The following BAIAP2L1 variants were observed in gnomAD, a reference collection of about 807,000 sequenced individuals.
BAIAP2L1 encodes BAR/IMD domain containing adaptor protein 2 like 1, also known as BAR/IMD domain-containing adapter protein 2-like 1.
Under a neutral mutation model 66.3 loss-of-function variants are expected in BAIAP2L1, and 35 were observed. That is an observed-to-expected ratio of 0.53 (90% confidence interval 0.40 to 0.70). The LOEUF (loss-of-function observed/expected upper bound fraction) is 0.70, where lower values mean the gene tolerates loss of function less well. BAIAP2L1 is among the 30% of genes least tolerant of loss of function. The pLI is 0.00. For missense variants in BAIAP2L1, 622 were observed against 656.9 expected, an observed-to-expected ratio of 0.95 and a Z score of 0.58; for synonymous variants, 269 against 248.7, an observed-to-expected ratio of 1.08 and a Z score of -0.77.
chr7:98,324,025 A>T (rs998553160), intron 3 of BAIAP2L1, among the ~76,000 whole-genome samples: 4 of 152,130 alleles, frequency 2.6e-5, no homozygotes, highest in Non-Finnish European at 2.9e-5. Context: ...AAAGGGGGAA[A>T]AAAAAAACCC....
chr7:98,370,543 C>A (rs1296714740), intron 1 of BAIAP2L1, among the ~76,000 whole-genome samples: 2 of 151,862 alleles, frequency 1.3e-5, no homozygotes, highest in Non-Finnish European at 2.9e-5. Context: ...CTCGCACTGT[C>A]GCCCAGGGAG....
intron 12 of BAIAP2L1, among the ~76,000 whole-genome samples, chr7:98,296,416 G>A (rs1323848182): frequency 6.6e-6 from 1 of 152,064 alleles, no homozygotes; most frequent in Admixed American, 6.5e-5. Flanking sequence ...ACCTGAGGTC[G>A]GGAGTTCGAG....
intron 3 of BAIAP2L1, among the ~76,000 whole-genome samples, chr7:98,339,962 G>C (rs562276716): frequency 6.6e-6 from 1 of 152,146 alleles, no homozygotes; most frequent in Non-Finnish European, 1.5e-5. Flanking sequence ...GCAGCTCCTT[G>C]GCCAGCGGTC....
chr7:98,393,368 T>C (rs1030428358), intron 1 of BAIAP2L1, among the ~76,000 whole-genome samples: 1 of 151,762 alleles, frequency 6.6e-6, no homozygotes, highest in African/African-American at 2.4e-5. Flanking sequence ...ACATAAGGGA[T>C]GTTGAAAGCA....
Position 98,307,898 on chromosome 7 carries a change from T to C in BAIAP2L1, c.956-2A>G, listed in dbSNP as rs1800720763. On this transcript the variant is annotated splice_acceptor_variant, in intron 9 of 13. Transcript: ENST00000005260. LOFTEE classifies it high-confidence loss of function. ...GTAAACTGGGATCTTCGGAAGTACC[T>C]GTTGGAGGGAGTGTAGCAGTAATGG... is the stretch of plus-strand genomic sequence containing the variant. 1.2e-6 allele frequency: 2 copies of C among 1,614,132 alleles called. No homozygotes were observed. Among genetic ancestry groups the C allele is most frequent in the Non-Finnish European group, 1.7e-6 (2 of 1,179,940 alleles).
intron 3 of BAIAP2L1, among the ~76,000 whole-genome samples, chr7:98,343,248 TACACACACACACACACACACAC>T (rs57033582): frequency 1.6e-5 from 2 of 128,592 alleles, no homozygotes; most frequent in African/African-American, 6.1e-5. Context: ...AAAAAAAAAA[TACACACACACACACACACACAC>T]ACACACACAC....
At chr7:98,348,466 A>G (rs372273542) in intron 3 of BAIAP2L1, among the ~76,000 whole-genome samples, 3 of 150,868 alleles carry the variant, frequency 2.0e-5, no homozygotes, top group East Asian at 2.0e-4. Context: ...ACTCAGGAGG[A>G]TGCATCACGA....
At chr7:98,346,000 A>T (rs1022049661) in intron 3 of BAIAP2L1, among the ~76,000 whole-genome samples, 1 of 152,184 alleles carries the variant, frequency 6.6e-6, no homozygotes, top group Non-Finnish European at 1.5e-5. Context: ...ATGGGAAGCA[A>T]CTGCTAATGG....
intron 1 of BAIAP2L1, 148 bp from the exon 2 acceptor site, chr7:98,362,580 C>G (rs1250594447): frequency 3.6e-5 from 24 of 663,216 alleles, no homozygotes; most frequent in Non-Finnish European, 5.9e-5. Flanking sequence ...AATAATGAAG[C>G]ACACCTATTC....
intron 3 of BAIAP2L1, among the ~76,000 whole-genome samples, chr7:98,338,904 T>A (rs6957327): frequency 0.02 from 2,976 of 151,898 alleles, 105 homozygotes; most frequent in African/African-American, 0.068. Flanking sequence ...AGAAACACCG[T>A]CTCTACTAAA....
intron 1 of BAIAP2L1, among the ~76,000 whole-genome samples, chr7:98,394,109 G>A (rs1278870022): frequency 1.3e-5 from 2 of 152,070 alleles, no homozygotes; most frequent in Non-Finnish European, 2.9e-5. Flanking sequence ...CGGGCGTGGT[G>A]GCAGGCGCCT....
At chr7:98,355,273 C>T (rs1802093177) in intron 2 of BAIAP2L1, 145 bp from the exon 3 acceptor site, 1 of 658,556 alleles carries the variant, frequency 1.5e-6, no homozygotes, top group Non-Finnish European at 2.8e-6. Flanking sequence ...GAGGTAAGAC[C>T]TGTGTTGAGA....
chr7:98,385,717 A>T (rs1802871132), intron 1 of BAIAP2L1: 1 of 1,217,268 alleles, frequency 8.2e-7, no homozygotes, highest in East Asian at 2.4e-5. Flanking sequence ...CCCAGCCAGG[A>T]ATCAACATTT....
intron 3 of BAIAP2L1, among the ~76,000 whole-genome samples, chr7:98,353,181 G>A (rs1271464733): frequency 6.6e-6 from 1 of 151,246 alleles, no homozygotes; most frequent in African/African-American, 2.4e-5. Context: ...GAAAACTTCT[G>A]CATGTAACTG....
chr7:98,338,732 C>T (rs1446926094), intron 3 of BAIAP2L1, among the ~76,000 whole-genome samples: 1 of 152,210 alleles, frequency 6.6e-6, no homozygotes, highest in South Asian at 2.1e-4. Flanking sequence ...TGGGCTGCCT[C>T]CACCTTTTGG....
intron 3 of BAIAP2L1, among the ~76,000 whole-genome samples, chr7:98,325,175 G>T (rs918544261): frequency 1.3e-5 from 2 of 151,904 alleles, no homozygotes; most frequent in African/African-American, 4.8e-5. Flanking sequence ...ACAAGGTCAG[G>T]AGTTCGAGAC....
intron 3 of BAIAP2L1, among the ~76,000 whole-genome samples, chr7:98,344,630 A>T (rs111366231): frequency 6.6e-6 from 1 of 152,258 alleles, no homozygotes; most frequent in Admixed American, 6.5e-5. Context: ...TGTATATTAA[A>T]GTGTATCTTC....
chr7:98,386,196 A>G, intron 1 of BAIAP2L1: 2 of 1,539,022 alleles, frequency 1.3e-6, no homozygotes, highest in South Asian at 1.1e-5. Flanking sequence ...GCAAGTAACC[A>G]TCGGTAGTCT....
intron 6 of BAIAP2L1, among the ~76,000 whole-genome samples, chr7:98,316,733 A>G (rs1244118871): frequency 1.3e-5 from 2 of 152,088 alleles, no homozygotes; most frequent in East Asian, 1.9e-4. Context: ...CTTTTATCCA[A>G]TTGTATGTTT....
Sources: allele counts gnomAD v4.1 joint callset (sites outside exome capture counted in the v4.1 genomes callset), GRCh38; gene constraint gnomAD v4.1.1; transcripts MANE v1.5; gene names NCBI Gene and HGNC (gene_info 2026-07-23, HGNC 2026-07-21).